The following TYW1B variants were observed in gnomAD, a reference collection of about 807,000 sequenced individuals.
TYW1B encodes the protein S-adenosyl-L-methionine-dependent tRNA 4-demethylwyosine synthase TYW1B.
Under a neutral mutation model 86.9 loss-of-function variants are expected in TYW1B, and 73 were observed. The observed-to-expected ratio is 0.84, with a 90% CI of 0.70 to 1.02. The LOEUF is 1.02. Ranked by LOEUF, TYW1B falls within the 50% of genes least tolerant of loss-of-function variation. The pLI is 0.00. For missense variants in TYW1B, 637 were observed against 827.4 expected, an observed-to-expected ratio of 0.77 and a Z score of 2.82; for synonymous variants, 248 against 292.8, an observed-to-expected ratio of 0.85 and a Z score of 1.56.
At position 72,653,397 on chromosome 7, in the gene TYW1B, G is replaced by A. The variant is rs1177961157; in HGVS notation, c.1507-24400C>T. 5.3e-5 allele frequency among the ~76,000 whole-genome samples: 8 copies of A among 152,060 alleles called. No individual in the cohort carries two copies. The East Asian group carries it at 9.7e-4, about 18-fold the overall frequency. Reference sequence around the variant, plus strand: ...CGAGGCGGGCGGATCACGAGGTCAGGAGATCGAGACCATCCTGGCTAACAC... The same window carrying A: ...CGAGGCGGGCGGATCACGAGGTCAGAAGATCGAGACCATCCTGGCTAACAC... On this transcript the variant is annotated intron_variant, in intron 11 of 13. Transcript: ENST00000620995.
At chr7:72,792,940 T>TA (rs1353769771) in intron 6 of TYW1B, among the ~76,000 whole-genome samples, 1 of 152,194 alleles carries the variant, frequency 6.6e-6, no homozygotes, top group Non-Finnish European at 1.5e-5. Context: ...CCTGCAAGAA[T>TA]ATTGTCAAAC....
At chr7:72,679,160 T>C (rs1420271624) in intron 11 of TYW1B, among the ~76,000 whole-genome samples, 3 of 151,968 alleles carry the variant, frequency 2.0e-5, no homozygotes, top group African/African-American at 4.8e-5. Flanking sequence ...GGATAGAAAA[T>C]AGAAATTTAA....
intron 6 of TYW1B, among the ~76,000 whole-genome samples, chr7:72,781,405 C>T (rs1167008866): frequency 2.0e-5 from 3 of 152,146 alleles, no homozygotes; most frequent in Admixed American, 6.6e-5. Context: ...CCAATCAGAT[C>T]ACACTTCACT....
intron 11 of TYW1B, among the ~76,000 whole-genome samples, chr7:72,682,162 GC>G (rs1813890148): frequency 6.6e-6 from 1 of 151,718 alleles, no homozygotes; most frequent in African/African-American, 2.4e-5. Context: ...AAAGGCATGA[GC>G]CACCACACAT....
chr7:72,634,902 G>A (rs752234221), intron 11 of TYW1B, among the ~76,000 whole-genome samples: 15 of 152,098 alleles, frequency 9.9e-5, no homozygotes, highest in Non-Finnish European at 2.2e-4. Context: ...TGTTATAAAC[G>A]TATTAGAAAT....
At chr7:72,781,800 C>A (rs1458517387) in intron 6 of TYW1B, among the ~76,000 whole-genome samples, 18 of 152,300 alleles carry the variant, frequency 1.2e-4, no homozygotes, top group Admixed American at 6.5e-4. Context: ...AAACTCATAT[C>A]CTCGCCAAGC....
chr7:72,770,736 T>C (rs1303456462), intron 7 of TYW1B, among the ~76,000 whole-genome samples: 8 of 152,154 alleles, frequency 5.3e-5, no homozygotes, highest in Non-Finnish European at 1.0e-4. Context: ...AGTACTTTTT[T>C]TCATAATAGC....
chr7:72,594,499 T>C (rs1355447577), intron 13 of TYW1B, among the ~76,000 whole-genome samples: 1 of 152,170 alleles, frequency 6.6e-6, no homozygotes, highest in African/African-American at 2.4e-5. Flanking sequence ...ATTACGGAGA[T>C]TAAATCAGTA....
At chr7:72,718,577 T>C (rs572296584) in intron 9 of TYW1B, among the ~76,000 whole-genome samples, 1 of 152,184 alleles carries the variant, frequency 6.6e-6, no homozygotes, top group Non-Finnish European at 1.5e-5. Context: ...CTTTTATGAC[T>C]ATGTAACTGC....
At position 72,827,852 on chromosome 7, in the gene TYW1B, A is replaced by G. The variant is rs192349383; in HGVS notation, c.4+220T>C. Among the ~76,000 whole-genome samples the G allele has an allele frequency of 6.9e-4, 105 of 152,286 alleles. 1 individual carries two copies. Among genetic ancestry groups the G allele is most frequent in the Admixed American group, 5.4e-3 (83 of 15,282 alleles). On this transcript the variant is annotated intron_variant, in intron 1 of 13. Transcript: ENST00000620995. ...TCCTAATACACGTGGGTAAAGTGGG[A>G]GGGGTAGTTTTCTGTCTAACCCCCT...
intron 13 of TYW1B, among the ~76,000 whole-genome samples, chr7:72,579,871 G>T (rs1208179451): frequency 6.6e-6 from 1 of 152,054 alleles, no homozygotes; most frequent in Non-Finnish European, 1.5e-5. Context: ...GGCTGCTCTT[G>T]AACTCCTGGC....
chr7:72,655,483 T>A (rs1220183429), intron 11 of TYW1B, among the ~76,000 whole-genome samples: 1 of 152,024 alleles, frequency 6.6e-6, no homozygotes, highest in Non-Finnish European at 1.5e-5. Context: ...CATCTCCACA[T>A]CCCTGGAGCC....
At chr7:72,610,489 G>A (rs1811907418) in intron 13 of TYW1B, among the ~76,000 whole-genome samples, 2 of 151,810 alleles carry the variant, frequency 1.3e-5, no homozygotes. Context: ...ACTCGTTAAT[G>A]GTCCTCATTT....
At chr7:72,657,632 A>C (rs1256647930) in intron 11 of TYW1B, among the ~76,000 whole-genome samples, 2 of 152,234 alleles carry the variant, frequency 1.3e-5, no homozygotes, top group Non-Finnish European at 2.9e-5. Context: ...TTAGACTAAG[A>C]GCAAATTTCT....
intron 13 of TYW1B, among the ~76,000 whole-genome samples, chr7:72,583,648 GA>G (rs2129567653): frequency 6.6e-6 from 1 of 152,332 alleles, no homozygotes; most frequent in East Asian, 1.9e-4. Context: ...ATCCATCCAA[GA>G]AAGGAAAAAG....
At chr7:72,586,739 A>AAATAAT (rs375819364) in intron 13 of TYW1B, among the ~76,000 whole-genome samples, 1,947 of 148,646 alleles carry the variant, frequency 0.013, 23 homozygotes, top group African/African-American at 0.027. Context: ...GCCCATCTCA[A>AAATAAT]AATAATAATA....
rs544631580 is a variant in TYW1B at position 72,654,696 on chromosome 7, T to C, written c.1507-25699A>G. Among the ~76,000 whole-genome samples the C allele has an allele frequency of 2.6e-5, 4 of 152,176 alleles. No homozygotes were observed. In the East Asian group the frequency reaches 7.7e-4, roughly 29 times the overall value. On this transcript the variant is annotated intron_variant, in intron 11 of 13. Transcript: ENST00000620995. ...AGGAGTTCAAGACCAGCCTGGCCAA[T>C]ACAGTGGAACCCCATCTCTACTGAA...
chr7:72,746,485 T>C (rs1387813293), intron 7 of TYW1B, among the ~76,000 whole-genome samples: 6 of 152,322 alleles, frequency 3.9e-5, no homozygotes, highest in Non-Finnish European at 8.8e-5. Context: ...TCAATCACTA[T>C]TGATTAAGAA....
intron 7 of TYW1B, among the ~76,000 whole-genome samples, chr7:72,768,287 T>C (rs145713185): frequency 2.0e-5 from 3 of 151,900 alleles, no homozygotes; most frequent in African/African-American, 7.2e-5. Flanking sequence ...TACAGGTTGC[T>C]TAGGAGGAAT....
Sources: gnomAD v4.1 joint callset for allele counts (sites outside exome capture counted in the v4.1 genomes callset) on GRCh38, gnomAD v4.1.1 for gene constraint, MANE v1.5 for transcripts, NCBI Gene and HGNC (gene_info 2026-07-23, HGNC 2026-07-21) for gene names.